Variants in UBE2H observed in about 807,000 individuals in gnomAD.
UBE2H encodes the protein ubiquitin conjugating enzyme E2 H, also known as ubiquitin-conjugating enzyme E2 H.
A neutral mutation model predicts 29.0 loss-of-function variants in UBE2H; 3 were observed. The ratio of observed to expected loss-of-function variants is 0.10; its 90% CI spans 0.05 to 0.27. The LOEUF (loss-of-function observed/expected upper bound fraction) is 0.27. Among genes scored for constraint, UBE2H ranks in the 10% least tolerant of loss-of-function variants. UBE2H has a pLI of 1.00. For missense variants in UBE2H, 68 were observed against 228.2 expected (o/e 0.30, Z 4.52); for synonymous variants, 69 against 82.9 (o/e 0.83, Z 0.91).
chr7:129,933,748 CT>C (rs1380444052), intron 1 of UBE2H, among the ~76,000 whole-genome samples: 2 of 152,132 alleles, frequency 1.3e-5, no homozygotes. Flanking sequence ...TAAAAATGAC[CT>C]AAGGACTTGG....
intron 1 of UBE2H, among the ~76,000 whole-genome samples, chr7:129,928,584 C>T (rs1807320981): frequency 6.6e-6 from 1 of 152,194 alleles, no homozygotes; most frequent in African/African-American, 2.4e-5. Context: ...GCCTGCGCGA[C>T]AAAGCGAGAC....
At chr7:129,938,806 T>A (rs1289706245) in intron 1 of UBE2H, among the ~76,000 whole-genome samples, 1 of 151,400 alleles carries the variant, frequency 6.6e-6, no homozygotes, top group Non-Finnish European at 1.5e-5. Flanking sequence ...TTTGTTTTTT[T>A]TGTTTTTTTT....
chr7:129,931,239 A>G (rs1324547789), intron 1 of UBE2H, among the ~76,000 whole-genome samples: 1 of 147,596 alleles, frequency 6.8e-6, no homozygotes, highest in Non-Finnish European at 1.5e-5. Flanking sequence ...AAAAAAAAAA[A>G]TTGCCACGCG....
intron 1 of UBE2H, among the ~76,000 whole-genome samples, chr7:129,911,042 A>G (rs1014989765): frequency 6.6e-6 from 1 of 151,842 alleles, no homozygotes; most frequent in African/African-American, 2.4e-5. Flanking sequence ...GGTGGTCGCA[A>G]TGGAGGGCAG....
At chr7:129,895,486 T>A (rs1298030790) in intron 1 of UBE2H, among the ~76,000 whole-genome samples, 1 of 152,066 alleles carries the variant, frequency 6.6e-6, no homozygotes, top group Non-Finnish European at 1.5e-5. Flanking sequence ...AGGCAACATA[T>A]AATTTCCCCG....
chr7:129,853,902 A>T (rs1050239137), intron 5 of UBE2H, among the ~76,000 whole-genome samples: 5 of 152,198 alleles, frequency 3.3e-5, no homozygotes, highest in Non-Finnish European at 5.9e-5. Flanking sequence ...GGCAAGGTAA[A>T]TGGCAGGAAA....
intron 1 of UBE2H, among the ~76,000 whole-genome samples, chr7:129,913,214 T>C (rs1806974174): frequency 7.1e-6 from 1 of 140,358 alleles, no homozygotes; most frequent in Non-Finnish European, 1.5e-5. Flanking sequence ...ATCATGCCAC[T>C]GCACTCCAGC....
chr7:129,934,941 ATATATG>A (rs975638931), intron 1 of UBE2H, among the ~76,000 whole-genome samples: 3 of 149,868 alleles, frequency 2.0e-5, no homozygotes, highest in African/African-American at 7.4e-5. Context: ...GTATATATAT[ATATATG>A]TGTGTGTGTG....
intron 1 of UBE2H, among the ~76,000 whole-genome samples, chr7:129,894,483 CTTTTTTTTT>C (rs78614188): frequency 1.0e-5 from 1 of 99,132 alleles, no homozygotes. Flanking sequence ...CTAATCCCAT[CTTTTTTTTT>C]TTTTTTTTTT....
chr7:129,855,794 G>A (rs542629029), intron 5 of UBE2H, among the ~76,000 whole-genome samples: 1 of 152,022 alleles, frequency 6.6e-6, no homozygotes, highest in East Asian at 2.0e-4. Context: ...CTACTGGGGA[G>A]GCTGAGATGG....
At chr7:129,930,351 A>C (rs936447361) in intron 1 of UBE2H, among the ~76,000 whole-genome samples, 7 of 152,084 alleles carry the variant, frequency 4.6e-5, no homozygotes, top group African/African-American at 1.7e-4. Flanking sequence ...AGTAGAGACG[A>C]GGTTTCTCCA....
intron 3 of UBE2H, among the ~76,000 whole-genome samples, chr7:129,871,794 G>A (rs554766966): frequency 3.2e-4 from 49 of 151,930 alleles, no homozygotes; most frequent in African/African-American, 1.1e-3. Flanking sequence ...TCATAACCAC[G>A]GTTATTAGAG....
At chr7:129,855,125 A>G (rs1805681571) in intron 5 of UBE2H, among the ~76,000 whole-genome samples, 1 of 152,234 alleles carries the variant, frequency 6.6e-6, no homozygotes, top group Admixed American at 6.5e-5. Flanking sequence ...ATTAAAAACT[A>G]CTGAATTACA....
At chr7:129,838,741 C>G (rs757550320) in intron 6 of UBE2H, among the ~76,000 whole-genome samples, 6 of 152,018 alleles carry the variant, frequency 3.9e-5, no homozygotes, top group Admixed American at 3.9e-4. Context: ...CTGGTTCAGG[C>G]GATTCTCTTG....
intron 1 of UBE2H, among the ~76,000 whole-genome samples, chr7:129,907,522 A>T (rs988982760): frequency 6.6e-6 from 1 of 152,232 alleles, no homozygotes; most frequent in Non-Finnish European, 1.5e-5. Context: ...GGTAGATAAA[A>T]GCAGATAAGT....
chr7:129,950,612 C>T (rs1807854671), intron 1 of UBE2H, among the ~76,000 whole-genome samples: 1 of 152,156 alleles, frequency 6.6e-6, no homozygotes, highest in South Asian at 2.1e-4. Context: ...ACTCTGACAA[C>T]GATCACAAAC....
chr7:129,918,586 G>A lies in UBE2H; in HGVS notation c.53+33917C>T, dbSNP rs552062134. Among the ~76,000 whole-genome samples, 17 of 151,976 alleles carry A rather than the reference G, an allele frequency of 1.1e-4. No homozygotes were observed. In the South Asian group the frequency reaches 3.5e-3, roughly 32 times the overall value. ...CCATGTTGGTCAGGCTCAAGTGCCC[G>A]GCCCCAAAATCCAAATTCTTAAAAT... On this transcript the variant is annotated intron_variant, in intron 1 of 6. Transcript: ENST00000355621.
In UBE2H at chr7:129,834,885, C is replaced by T; in HGVS notation, c.*52G>A. On this transcript the variant is annotated 3_prime_UTR_variant, in exon 7 of 7. Transcript: ENST00000355621. ...GTTTAAATATGAATATTATAGTCTGCTTCTCATGGTTAGGAAATAATAGTC... is the reference window on the plus strand; with the variant it reads ...GTTTAAATATGAATATTATAGTCTGTTTCTCATGGTTAGGAAATAATAGTC... 4 of 1,604,200 alleles carry T rather than the reference C, an allele frequency of 2.5e-6. No individual in the cohort carries two copies. Among genetic ancestry groups the T allele is most frequent in the Non-Finnish European group, 2.5e-6 (3 of 1,176,786 alleles).
intron 1 of UBE2H, among the ~76,000 whole-genome samples, chr7:129,881,797 A>G (rs1254167684): frequency 2.6e-5 from 4 of 152,302 alleles, no homozygotes; most frequent in African/African-American, 9.6e-5. Context: ...TCAGCAAAAT[A>G]CAAATTCCCC....
Sources: gnomAD v4.1 joint callset for allele counts (sites outside exome capture counted in the v4.1 genomes callset) on GRCh38, gnomAD v4.1.1 for gene constraint, MANE v1.5 for transcripts, NCBI Gene and HGNC (gene_info 2026-07-23, HGNC 2026-07-21) for gene names.